Variants in FRMD6 observed in about 807,000 individuals in gnomAD.
FRMD6 encodes FERM domain-containing protein 6.
FRMD6 carries 37 observed loss-of-function variants against 73.2 expected under a neutral mutation model. The ratio of observed to expected loss-of-function variants is 0.51; its 90% confidence interval spans 0.39 to 0.66. FRMD6 has a LOEUF of 0.66. Ranked by LOEUF, FRMD6 falls within the 30% of genes least tolerant of loss-of-function variation. FRMD6 has a pLI of 0.00. For missense variants in FRMD6, 714 were observed against 780.5 expected, an observed-to-expected ratio of 0.91 and a Z score of 1.02; for synonymous variants, 273 against 282.2, an observed-to-expected ratio of 0.97 and a Z score of 0.33.
chr14:51,423,056 C>T, the FRMD6 span, among the ~76,000 whole-genome samples: 8 of 152,254 alleles, frequency 5.3e-5, no homozygotes, highest in East Asian at 3.9e-4. Flanking sequence ...CTAAGTGGTA[C>T]GGCAAGCTGA....
intron 1 of FRMD6, among the ~76,000 whole-genome samples, chr14:51,543,911 G>T (rs770581971): frequency 2.0e-5 from 3 of 151,940 alleles, no homozygotes; most frequent in Non-Finnish European, 4.4e-5. Flanking sequence ...AAATGAATTC[G>T]CACCATACTC....
upstream of FRMD6, among the ~76,000 whole-genome samples, chr14:51,485,195 G>A (rs575772825): frequency 2.4e-4 from 37 of 152,332 alleles, no homozygotes; most frequent in Non-Finnish European, 5.0e-4. Flanking sequence ...AGAAGCCCGT[G>A]TGGGATGGGG....
chr14:51,510,422 C>T (rs556022727), intron 1 of FRMD6, among the ~76,000 whole-genome samples: 1 of 152,084 alleles, frequency 6.6e-6, no homozygotes. Context: ...TCAATATTTC[C>T]GTGATTTTTT....
intron 2 of FRMD6, among the ~76,000 whole-genome samples, chr14:51,580,206 GA>G (rs1888641297): frequency 6.6e-6 from 1 of 152,060 alleles, no homozygotes; most frequent in Non-Finnish European, 1.5e-5. Flanking sequence ...CTCGTGGAAT[GA>G]ACAACCTGGG....
intron 13 of FRMD6, among the ~76,000 whole-genome samples, chr14:51,726,818 T>C: frequency 6.6e-6 from 1 of 152,200 alleles, no homozygotes; most frequent in East Asian, 1.9e-4. Flanking sequence ...ATCACTCGGA[T>C]GTGACACTTC....
intron 3 of FRMD6, among the ~76,000 whole-genome samples, chr14:51,700,441 A>C (rs1195311509): frequency 1.3e-5 from 2 of 151,996 alleles, no homozygotes; most frequent in East Asian, 3.9e-4. Flanking sequence ...TTTTCATAAA[A>C]TGTTTCTTCT....
intron 2 of FRMD6, among the ~76,000 whole-genome samples, chr14:51,643,965 C>G (rs1028232589): frequency 4.0e-5 from 6 of 151,170 alleles, no homozygotes; most frequent in African/African-American, 1.4e-4. Flanking sequence ...TATAGTTTCA[C>G]TTTAGTTGAA....
intron 1 of FRMD6, among the ~76,000 whole-genome samples, chr14:51,510,638 C>G (rs925612417): frequency 6.6e-5 from 10 of 152,128 alleles, no homozygotes; most frequent in African/African-American, 2.4e-4. Flanking sequence ...TCTTTGTAAA[C>G]CTTATGTGAA....
intron 1 of FRMD6, among the ~76,000 whole-genome samples, chr14:51,516,791 T>C (rs1884660213): frequency 6.6e-6 from 1 of 152,182 alleles, no homozygotes. Context: ...ACAAACAAAG[T>C]AACCCATTAT....
chr14:51,559,165 G>A (rs1449739835), intron 1 of FRMD6, among the ~76,000 whole-genome samples: 2 of 152,178 alleles, frequency 1.3e-5, no homozygotes, highest in Non-Finnish European at 2.9e-5. Flanking sequence ...GCCTTCATTT[G>A]ATTTGGTACC....
intron 1 of FRMD6, among the ~76,000 whole-genome samples, chr14:51,685,426 G>T (rs1363740787): frequency 6.6e-6 from 1 of 152,066 alleles, no homozygotes; most frequent in African/African-American, 2.4e-5. Flanking sequence ...TATGCTTATT[G>T]TCTGTTTCTA....
chr14:51,608,855 A>T (rs1343570768), intron 2 of FRMD6, among the ~76,000 whole-genome samples: 1 of 152,260 alleles, frequency 6.6e-6, no homozygotes, highest in East Asian at 1.9e-4. Context: ...CAGCCTATTT[A>T]TTGGGAATCA....
chr14:51,667,391 A>C (rs1264749664), intron 1 of FRMD6, among the ~76,000 whole-genome samples: 2 of 152,220 alleles, frequency 1.3e-5, no homozygotes, highest in Non-Finnish European at 2.9e-5. Context: ...TATCCTGAAA[A>C]AAACTCGGCA....
chr14:51,622,565 AC>A (rs965311618), intron 2 of FRMD6, among the ~76,000 whole-genome samples: 91 of 152,184 alleles, frequency 6.0e-4, no homozygotes, highest in African/African-American at 2.1e-3. Flanking sequence ...CTTTCATAGT[AC>A]CAACTGGTAG....
intron 1 of FRMD6, among the ~76,000 whole-genome samples, chr14:51,657,691 G>A (rs150545937): frequency 1.3e-5 from 2 of 152,128 alleles, no homozygotes; most frequent in Admixed American, 1.3e-4. Context: ...TGAAAGCAGA[G>A]TATGGTCTTA....
chr14:51,458,350 G>T, the FRMD6 span, among the ~76,000 whole-genome samples: 1 of 152,052 alleles, frequency 6.6e-6, no homozygotes, highest in Non-Finnish European at 1.5e-5. Context: ...TTGCATTTTT[G>T]GGAGATGATC....
At chr14:51,605,878 A>G (rs1890237724) in intron 2 of FRMD6, among the ~76,000 whole-genome samples, 1 of 152,212 alleles carries the variant, frequency 6.6e-6, no homozygotes, top group South Asian at 2.1e-4. Context: ...CCCGAGTCTC[A>G]GAACTTGTGT....
At chr14:51,714,397 T>G (rs1419834135) in intron 9 of FRMD6, 1 of 152,166 alleles carries the variant, frequency 6.6e-6, no homozygotes, top group African/African-American at 2.4e-5. Context: ...AGGTGTGTAG[T>G]TAGAATATGT....
At chr14:51,649,395 A>G (rs184853955), upstream of FRMD6, 7 of 151,978 alleles carry the variant, frequency 4.6e-5, no homozygotes, top group East Asian at 9.7e-4. Flanking sequence ...TGTTCCAAAT[A>G]TTTTGCTATT....
Sources: allele counts gnomAD v4.1 joint callset (sites outside exome capture counted in the v4.1 genomes callset), GRCh38; gene constraint gnomAD v4.1.1; transcripts MANE v1.5; gene names NCBI Gene and HGNC (gene_info 2026-07-23, HGNC 2026-07-21).